The following SSR1 variants were observed in gnomAD, a reference collection of about 807,000 sequenced individuals.
The protein encoded by SSR1 is signal sequence receptor subunit 1, also known as translocon-associated protein subunit alpha.
SSR1 carries 13 observed loss-of-function variants against 36.1 expected under a neutral mutation model. The ratio of observed to expected loss-of-function variants is 0.36; its 90% confidence interval spans 0.23 to 0.57. The LOEUF (loss-of-function observed/expected upper bound fraction) is 0.57. SSR1 is among the 20% of genes least tolerant of loss of function. The pLI is 0.81. For missense variants in SSR1, 291 were observed against 338.5 expected (o/e 0.86, Z 1.10); for synonymous variants, 113 against 118.9 (o/e 0.95, Z 0.32).
At chr6:7,311,621 T>C (rs1328540533) in intron 1 of SSR1, among the ~76,000 whole-genome samples, 1 of 152,242 alleles carries the variant, frequency 6.6e-6, no homozygotes, top group African/African-American at 2.4e-5. Flanking sequence ...TATAGTAATT[T>C]AAAGTCGTGG....
In SSR1 at chr6:7,301,365, G is replaced by A. The variant is rs773111451; in HGVS notation, c.488C>T (p.Pro163Leu). 2 of 1,614,158 alleles carry A rather than the reference G, an allele frequency of 1.2e-6. No homozygotes were observed. The highest frequency in any genetic ancestry group is 1.7e-6 in the Non-Finnish European group (2 of 1,180,036). Reference protein sequence around the residue: ...TFEYSFIPAEPMGGRPFGLVI... With the variant: ...TFEYSFIPAELMGGRPFGLVI... Reference sequence around the variant, plus strand: ...CAAACCAAATGGTCGTCCGCCCATGGGCTCTGCAGGAATGAAAGAGTACTC... The same window carrying A: ...CAAACCAAATGGTCGTCCGCCCATGAGCTCTGCAGGAATGAAAGAGTACTC... Residue 163 changes from proline to leucine, a missense_variant, in exon 4 of 8, where the codon CCC (proline) becomes CTC (leucine). Coordinates refer to ENST00000244763, the MANE Select transcript of SSR1 (RefSeq NM_003144.5).
intron 2 of SSR1, among the ~76,000 whole-genome samples, chr6:7,306,736 G>A (rs1437198981): frequency 2.6e-5 from 4 of 151,604 alleles, no homozygotes; most frequent in Non-Finnish European, 5.9e-5. Context: ...CTAACATGGT[G>A]AAACCCCGTC....
chr6:7,298,690 T>A (rs1217191172), intron 5 of SSR1, 57 bp downstream of exon 5: 24 of 1,324,784 alleles, frequency 1.8e-5, no homozygotes, highest in Non-Finnish European at 2.4e-5. Context: ...CAGAGCAAGC[T>A]TTCCAGTCTT....
rs1757415170 is a variant in SSR1 at position 7,281,330 on chromosome 6, G to A, written c.*8534C>T. 1 of 126,290 alleles carries A rather than the reference G, an allele frequency of 7.9e-6. No homozygotes were observed. The highest frequency in any genetic ancestry group is 1.8e-5 in the Non-Finnish European group (1 of 55,818). 7.8% of individuals were successfully genotyped at this position (126,290 alleles called of 1,614,324 possible). ...AATAACAGAAATGTTTCTCAAAGCT[G>A]CACAAGAATTTTAAGGATTCATGAC... On this transcript the variant is annotated 3_prime_UTR_variant, in exon 8 of 8. Coordinates refer to ENST00000244763, the MANE Select transcript of SSR1 (RefSeq NM_003144.5).
intron 2 of SSR1, among the ~76,000 whole-genome samples, chr6:7,308,330 A>C (rs1758115454): frequency 6.6e-6 from 1 of 152,150 alleles, no homozygotes; most frequent in African/African-American, 2.4e-5. Context: ...TAGTTGGAAG[A>C]CATATTCCAT....
intron 1 of SSR1, among the ~76,000 whole-genome samples, chr6:7,310,644 C>T (rs1197835190): frequency 6.6e-6 from 1 of 152,200 alleles, no homozygotes; most frequent in Non-Finnish European, 1.5e-5. Flanking sequence ...GGCGCGGTGG[C>T]TCACGCCTGT....
Position 7,301,555 on chromosome 6 carries a change from T to G in SSR1, c.298A>C (p.Ile100Leu). ...GTAAAGCCTACCAGGAACTTCACAA[T>G]GTTATTTGCTGGAAAATCTGAGAAA... ...VKGEDFPANNIVKFLVGFTNK... is the reference protein window; with the variant it reads ...VKGEDFPANNLVKFLVGFTNK... Residue 100 changes from isoleucine (I) to leucine (L), a missense_variant, in exon 4 of 8, where the codon ATT (isoleucine) becomes CTT (leucine). Transcript: ENST00000244763. The G allele has an allele frequency of 6.2e-7, 1 of 1,605,996 alleles. No individual in the cohort carries two copies. Among genetic ancestry groups the G allele is most frequent in the Admixed American group, 1.7e-5 (1 of 58,066 alleles).
chr6:7,289,976 T>C (rs1757646598), intron 7 of SSR1, 45 bp from the exon 8 acceptor site: 1 of 1,482,578 alleles, frequency 6.7e-7, no homozygotes. Flanking sequence ...TATAAGTATA[T>C]TGAATTCAAA....
intron 5 of SSR1, 115 bp from the exon 6 acceptor site, chr6:7,298,116 G>A: frequency 2.8e-6 from 2 of 720,216 alleles, no homozygotes; most frequent in Non-Finnish European, 4.4e-6. Context: ...GTGGCGAAAA[G>A]GAATAAAATG....
intron 1 of SSR1, 91 bp from the exon 2 acceptor site, chr6:7,310,120 C>T: frequency 2.4e-6 from 2 of 848,042 alleles, no homozygotes; most frequent in Non-Finnish European, 3.8e-6. Flanking sequence ...AAAAACTTCC[C>T]TTGGACTAAC....
intron 2 of SSR1, among the ~76,000 whole-genome samples, chr6:7,309,202 C>T (rs749927527): frequency 2.2e-4 from 34 of 152,230 alleles, no homozygotes; most frequent in Non-Finnish European, 1.3e-4. Context: ...TGCCCATAAT[C>T]CCAGTGCCTT....
chr6:7,295,934 C>T (rs1291666016), intron 6 of SSR1, among the ~76,000 whole-genome samples: 2 of 152,178 alleles, frequency 1.3e-5, no homozygotes, highest in Admixed American at 6.5e-5. Flanking sequence ...TATACAATGA[C>T]TTTATTTCCC....
intron 1 of SSR1, among the ~76,000 whole-genome samples, chr6:7,311,817 T>C (rs948641590): frequency 6.6e-6 from 1 of 152,228 alleles, no homozygotes; most frequent in Non-Finnish European, 1.5e-5. Flanking sequence ...GTTTAGATAA[T>C]GAATTCATGC....
chr6:7,295,240 T>TA, intron 7 of SSR1, 152 bp downstream of exon 7: 1 of 1,077,138 alleles, frequency 9.3e-7, no homozygotes, highest in South Asian at 1.5e-5. Context: ...ACCTTTAAGG[T>TA]CTTAATTAAT....
At chr6:7,312,756 G>A (rs561601507) in intron 1 of SSR1, among the ~76,000 whole-genome samples, 38 of 152,332 alleles carry the variant, frequency 2.5e-4, no homozygotes, top group Admixed American at 2.0e-3. Flanking sequence ...TCCTGCAGGC[G>A]AGGGTCCAGG....
chr6:7,312,678 G>T (rs577684306), intron 1 of SSR1, among the ~76,000 whole-genome samples: 1 of 152,352 alleles, frequency 6.6e-6, no homozygotes, highest in South Asian at 2.1e-4. Context: ...GCCCGGCTGC[G>T]GCGCGCTCGG....
At chr6:7,310,458 A>G (rs1758165255) in intron 1 of SSR1, among the ~76,000 whole-genome samples, 1 of 152,204 alleles carries the variant, frequency 6.6e-6, no homozygotes, top group South Asian at 2.1e-4. Flanking sequence ...TGGAAAAATG[A>G]ATGGCACAAA....
chr6:7,292,940 G>T (rs1047734789), intron 7 of SSR1, among the ~76,000 whole-genome samples: 6 of 151,988 alleles, frequency 3.9e-5, no homozygotes, highest in Non-Finnish European at 8.8e-5. Flanking sequence ...AAGCAGTAGA[G>T]AAAACAATTT....
intron 7 of SSR1, among the ~76,000 whole-genome samples, chr6:7,294,064 T>C (rs1397296440): frequency 6.6e-6 from 1 of 152,182 alleles, no homozygotes; most frequent in Non-Finnish European, 1.5e-5. Context: ...TTACTCTACC[T>C]TTAAGAAGTT....
Sources: allele counts gnomAD v4.1 joint callset (sites outside exome capture counted in the v4.1 genomes callset), GRCh38; gene constraint gnomAD v4.1.1; transcripts MANE v1.5; gene names NCBI Gene and HGNC (gene_info 2026-07-23, HGNC 2026-07-21).